BRINP3: variants seen among roughly 807,000 people sequenced by gnomAD.
The protein encoded by BRINP3 is BMP/retinoic acid inducible neural specific 3, also known as BMP/retinoic acid-inducible neural-specific protein 3.
A neutral mutation model predicts 71.0 loss-of-function variants in BRINP3; 19 were observed. The observed-to-expected ratio is 0.27, with a 90% CI of 0.19 to 0.39. The LOEUF (loss-of-function observed/expected upper bound fraction) is 0.39. BRINP3 is among the 10% of genes least tolerant of loss of function. BRINP3 has a pLI of 1.00. For synonymous variants in BRINP3, 380 were observed against 337.7 expected (o/e 1.13, Z -1.37); for missense variants, 959 against 940.8 (o/e 1.02, Z -0.25).
At chr1:190,408,858 T>C (rs1171148) in intron 2 of BRINP3, among the ~76,000 whole-genome samples, 54,876 of 151,934 alleles carry the variant, frequency 0.36, 10,957 homozygotes, top group Admixed American at 0.48. Flanking sequence ...ATATCAATAC[T>C]GGGGGAGGCC....
At chr1:190,323,836 G>A (rs1172070206) in intron 2 of BRINP3, among the ~76,000 whole-genome samples, 1 of 151,774 alleles carries the variant, frequency 6.6e-6, no homozygotes, top group Non-Finnish European at 1.5e-5. Context: ...TGAAAGCATA[G>A]GAGTGATGAG....
At chr1:190,234,091 T>C (rs1186639878) in intron 5 of BRINP3, among the ~76,000 whole-genome samples, 1 of 152,082 alleles carries the variant, frequency 6.6e-6, no homozygotes. Context: ...TGCTACATAA[T>C]GACACAATGA....
chr1:190,473,154 G>A (rs552671205), intron 1 of BRINP3, among the ~76,000 whole-genome samples: 2 of 151,518 alleles, frequency 1.3e-5, no homozygotes, highest in East Asian at 3.9e-4. Context: ...AAATATATAT[G>A]TATACACACA....
intron 6 of BRINP3, among the ~76,000 whole-genome samples, chr1:190,165,140 GA>G (rs1279377664): frequency 2.0e-5 from 3 of 151,302 alleles, no homozygotes; most frequent in African/African-American, 4.9e-5. Context: ...AAGAGAAATA[GA>G]AAAAAACATA....
At chr1:190,273,744 C>T (rs187608119) in intron 3 of BRINP3, among the ~76,000 whole-genome samples, 2 of 151,608 alleles carry the variant, frequency 1.3e-5, no homozygotes, top group African/African-American at 4.8e-5. Flanking sequence ...CTGTTTACTT[C>T]TCACTTGGAT....
At chr1:190,138,631 G>A (rs778164296) in intron 7 of BRINP3, among the ~76,000 whole-genome samples, 6 of 152,178 alleles carry the variant, frequency 3.9e-5, no homozygotes, top group Middle Eastern at 3.4e-3. Context: ...ATAATTGAAC[G>A]CTGTGAAACT....
Position 190,226,281 on chromosome 1 carries a change from AC to A in BRINP3, c.761del (p.Arg254LeufsTer7). ...TGTAGCTCAAAGCTGCTTGTACAAA[AC>A]GTTCCTGAAGATAGTCTGGGAGAAG... is the stretch of plus-strand genomic sequence containing the variant. ...QVLLPDYLQE[R>X]FVQAALSYIA... is the part of the protein sequence containing the mutation. On this transcript the variant is annotated frameshift_variant, in exon 6 of 8. Coordinates refer to ENST00000367462, the MANE Select transcript of BRINP3 (RefSeq NM_199051.3). LOFTEE classifies it high-confidence loss of function. The A allele has an allele frequency of 6.2e-7, 1 of 1,609,242 alleles. No homozygotes were observed. Among genetic ancestry groups the A allele is most frequent in the Non-Finnish European group, 8.5e-7 (1 of 1,177,432 alleles).
intron 2 of BRINP3, among the ~76,000 whole-genome samples, chr1:190,410,558 A>T (rs1353946010): frequency 6.6e-6 from 1 of 152,142 alleles, no homozygotes; most frequent in Non-Finnish European, 1.5e-5. Context: ...ACAGAAAGGT[A>T]GTATTTAAAC....
intron 7 of BRINP3, among the ~76,000 whole-genome samples, chr1:190,138,287 G>A (rs1215272346): frequency 6.6e-6 from 1 of 151,962 alleles, no homozygotes; most frequent in Non-Finnish European, 1.5e-5. Context: ...TAGATCCCCA[G>A]CAACCCAACA....
intron 7 of BRINP3, among the ~76,000 whole-genome samples, chr1:190,142,014 T>C (rs911019425): frequency 2.0e-5 from 3 of 152,042 alleles, no homozygotes; most frequent in African/African-American, 4.8e-5. Context: ...AAAAAACATA[T>C]ATAAAATAAA....
intron 2 of BRINP3, among the ~76,000 whole-genome samples, chr1:190,448,469 GT>G (rs1675383603): frequency 6.6e-6 from 1 of 150,606 alleles, no homozygotes; most frequent in Non-Finnish European, 1.5e-5. Flanking sequence ...GGGTTTGTGT[GT>G]GTGTGTGTGT....
chr1:190,133,766 C>T (rs753357016), intron 7 of BRINP3, among the ~76,000 whole-genome samples: 7 of 152,062 alleles, frequency 4.6e-5, no homozygotes, highest in South Asian at 2.1e-4. Context: ...AAGCCCAATA[C>T]GGTGGGTATG....
chr1:190,098,962 C>T lies in BRINP3; in HGVS notation c.1357G>A (p.Ala453Thr), dbSNP rs767584303. Residue 453 changes from alanine to threonine, a missense_variant, in exon 8 of 8, where the codon GCA (alanine) becomes ACA (threonine). Ala to Thr is a moderately conservative substitution (Grantham distance 58). Coordinates refer to ENST00000367462, the MANE Select transcript of BRINP3 (RefSeq NM_199051.3). ...VGDASACLTC[A>T]PDNRTRCGTC... ...CCGCAGCGGGTGCGGTTGTCTGGTG[C>T]GCATGTCAGGCAGGCAGAGGCGTCT... The T allele has an allele frequency of 3.1e-6, 5 of 1,614,068 alleles. No individual in the cohort carries two copies. In the East Asian group the frequency reaches 6.7e-5, roughly 22 times the overall value.
chr1:190,156,383 T>A (rs1656864459), intron 7 of BRINP3, among the ~76,000 whole-genome samples: 1 of 152,052 alleles, frequency 6.6e-6, no homozygotes, highest in African/African-American at 2.4e-5. Flanking sequence ...AAAAATATAA[T>A]TTGTAATGAA....
At chr1:190,314,911 G>C (rs1055504780) in intron 2 of BRINP3, among the ~76,000 whole-genome samples, 1 of 152,096 alleles carries the variant, frequency 6.6e-6, no homozygotes, top group Non-Finnish European at 1.5e-5. Context: ...ACAAAAACAA[G>C]AAGTACTTCC....
intron 7 of BRINP3, among the ~76,000 whole-genome samples, chr1:190,112,879 T>C (rs1261883880): frequency 1.3e-5 from 2 of 152,124 alleles, no homozygotes; most frequent in Admixed American, 6.5e-5. Flanking sequence ...AAATCAAAGC[T>C]ACTTTCAATT....
At chr1:190,336,689 G>A (rs536324918) in intron 2 of BRINP3, among the ~76,000 whole-genome samples, 60 of 152,072 alleles carry the variant, frequency 3.9e-4, no homozygotes, top group Non-Finnish European at 6.2e-4. Context: ...TGCAAAACGT[G>A]CTCTTTCTAC....
intron 7 of BRINP3, among the ~76,000 whole-genome samples, chr1:190,123,361 GTC>G (rs146692534): frequency 0.05 from 7,661 of 152,118 alleles, 277 homozygotes; most frequent in Non-Finnish European, 0.073. Context: ...AACGACTTCA[GTC>G]TCTGACTCAG....
intron 2 of BRINP3, among the ~76,000 whole-genome samples, chr1:190,343,433 C>T (rs1273257237): frequency 6.6e-6 from 1 of 151,680 alleles, no homozygotes; most frequent in East Asian, 1.9e-4. Context: ...TGGTGAGCTA[C>T]TTGGGAAAGT....
Sources: gnomAD v4.1 joint callset for allele counts (sites outside exome capture counted in the v4.1 genomes callset) on GRCh38, gnomAD v4.1.1 for gene constraint, MANE v1.5 for transcripts, NCBI Gene and HGNC (gene_info 2026-07-23, HGNC 2026-07-21) for gene names.